HECW1: variants seen among roughly 807,000 people sequenced by gnomAD.
HECW1 encodes the protein HECT, C2 and WW domain containing E3 ubiquitin protein ligase 1.
Under a neutral mutation model 182.3 loss-of-function variants are expected in HECW1, and 61 were observed. The ratio of observed to expected loss-of-function variants is 0.33; its 90% CI spans 0.27 to 0.41. HECW1 has a LOEUF of 0.41. Among genes scored for constraint, HECW1 ranks in the 10% least tolerant of loss-of-function variants. The pLI is 1.00. For synonymous variants in HECW1, 859 were observed against 832.6 expected, an observed-to-expected ratio of 1.03 and a Z score of -0.55; for missense variants, 1,739 against 2,108.9, an observed-to-expected ratio of 0.82 and a Z score of 3.44.
intron 2 of HECW1, among the ~76,000 whole-genome samples, chr7:43,134,250 C>T (rs928422335): frequency 6.6e-6 from 1 of 151,498 alleles, no homozygotes; most frequent in Non-Finnish European, 1.5e-5. Context: ...AAAAAGTAGC[C>T]GGGCGTGGTG....
At chr7:43,248,993 C>T (rs1799746307) in intron 3 of HECW1, 1 of 152,346 alleles carries the variant, frequency 6.6e-6, no homozygotes, top group South Asian at 2.1e-4. Context: ...ATAGTGTGGT[C>T]CAGCACTGCC....
At chr7:43,250,140 C>T (rs1799875304) in intron 3 of HECW1, among the ~76,000 whole-genome samples, 1 of 151,432 alleles carries the variant, frequency 6.6e-6, no homozygotes, top group South Asian at 2.1e-4. Context: ...CACACGCGCA[C>T]ACACACATAC....
intron 24 of HECW1, among the ~76,000 whole-genome samples, chr7:43,518,207 A>G (rs997285569): frequency 6.6e-5 from 10 of 152,080 alleles, no homozygotes; most frequent in Non-Finnish European, 1.5e-4. Context: ...TATAAAAGAA[A>G]AGAAAGGCCG....
rs145080794 is a variant in HECW1 at position 43,285,792 on chromosome 7, AAAAATAAAAT to A, written c.28-25952_28-25943del. The stretch of plus-strand genomic sequence containing the variant: ...CTGAGTGACAGACCCCATCTCAACA[AAAAATAAAAT>A]AAAATAAAATAAAATAAAGAAACTG... On this transcript the variant is annotated intron_variant, in intron 3 of 29. Coordinates refer to ENST00000395891, the MANE Select transcript of HECW1 (RefSeq NM_015052.5). Among the ~76,000 whole-genome samples the A allele has an allele frequency of 3.7e-3, 559 of 152,026 alleles. 2 individuals carry two copies. Among genetic ancestry groups the A allele is most frequent in the African/African-American group, 0.013 (534 of 41,306 alleles).
At chr7:43,506,159 T>A (rs1283403684) in intron 21 of HECW1, among the ~76,000 whole-genome samples, 1 of 152,198 alleles carries the variant, frequency 6.6e-6, no homozygotes, top group Non-Finnish European at 1.5e-5. Context: ...TAATATAAAC[T>A]CTAATCTAAT....
intron 24 of HECW1, among the ~76,000 whole-genome samples, chr7:43,529,545 G>A (rs141803077): frequency 6.6e-6 from 1 of 152,224 alleles, no homozygotes; most frequent in African/African-American, 2.4e-5. Flanking sequence ...CCATTTGACT[G>A]TCCCAAAAGC....
chr7:43,313,956 T>G (rs113515271), intron 4 of HECW1, among the ~76,000 whole-genome samples: 3 of 152,090 alleles, frequency 2.0e-5, no homozygotes, highest in African/African-American at 7.2e-5. Flanking sequence ...TGATTTGGTT[T>G]GGTTTTGGTT....
At chr7:43,327,286 C>T (rs189541830) in intron 5 of HECW1, among the ~76,000 whole-genome samples, 231 of 152,136 alleles carry the variant, frequency 1.5e-3, no homozygotes, top group African/African-American at 5.4e-3. Context: ...AGATAATAGG[C>T]GTATTTATAT....
chr7:43,448,213 A>G (rs1040286077), intron 11 of HECW1, among the ~76,000 whole-genome samples: 5 of 152,214 alleles, frequency 3.3e-5, no homozygotes, highest in African/African-American at 9.6e-5. Context: ...CCACATAGAT[A>G]AGGCTGCAAC....
intron 3 of HECW1, among the ~76,000 whole-genome samples, chr7:43,246,289 C>G (rs1799374310): frequency 6.6e-6 from 1 of 152,090 alleles, no homozygotes. Flanking sequence ...CGTGACGTAG[C>G]AAGACCTTGT....
intron 2 of HECW1, among the ~76,000 whole-genome samples, chr7:43,218,515 T>C (rs1486754533): frequency 6.6e-6 from 1 of 152,180 alleles, no homozygotes; most frequent in Non-Finnish European, 1.5e-5. Flanking sequence ...GAATGGGGTA[T>C]GGCAGGGCAG....
At chr7:43,223,907 T>C (rs2152704568) in intron 2 of HECW1, among the ~76,000 whole-genome samples, 1 of 152,308 alleles carries the variant, frequency 6.6e-6, no homozygotes, top group South Asian at 2.1e-4. Flanking sequence ...CTCCTTCAAA[T>C]CTGCAAAAAT....
intron 12 of HECW1, among the ~76,000 whole-genome samples, chr7:43,452,926 G>C (rs889413104): frequency 6.6e-6 from 1 of 152,242 alleles, no homozygotes; most frequent in African/African-American, 2.4e-5. Flanking sequence ...ACCCTGCTGG[G>C]TTTAAGGAAC....
At chr7:43,320,493 C>T in intron 4 of HECW1, 142 bp from the exon 5 acceptor site, 2 of 626,698 alleles carry the variant, frequency 3.2e-6, no homozygotes, top group East Asian at 2.8e-5. Context: ...GTGCTTCCTG[C>T]TCTCTGATTC....
intron 24 of HECW1, among the ~76,000 whole-genome samples, 189 bp from the exon 25 acceptor site, chr7:43,540,974 A>G (rs2081342863): frequency 6.6e-6 from 1 of 152,214 alleles, no homozygotes; most frequent in Admixed American, 6.5e-5. Context: ...TTAGTCCCTA[A>G]CAAGCACACA....
chr7:43,241,616 A>ATGTGTGTGTGTGTGTG (rs57645139), intron 2 of HECW1: 8 of 122,164 alleles, frequency 6.5e-5, no homozygotes, highest in East Asian at 2.5e-4. Context: ...CTCCTAATGT[A>ATGTGTGTGTGTGTGTG]TGTGTGTGTG....
intron 6 of HECW1, among the ~76,000 whole-genome samples, chr7:43,396,122 A>G (rs1362608203): frequency 2.6e-5 from 4 of 152,232 alleles, no homozygotes; most frequent in Non-Finnish European, 5.9e-5. Context: ...TCTGAATAAA[A>G]CCTTCCTAGA....
At chr7:43,234,633 A>G (rs1012430750) in intron 2 of HECW1, among the ~76,000 whole-genome samples, 1 of 152,128 alleles carries the variant, frequency 6.6e-6, no homozygotes, top group Non-Finnish European at 1.5e-5. Context: ...GGAAACCTTC[A>G]TCTCCTACCC....
At chr7:43,147,281 C>A (rs564705495) in intron 2 of HECW1, among the ~76,000 whole-genome samples, 1 of 151,880 alleles carries the variant, frequency 6.6e-6, no homozygotes, top group South Asian at 2.1e-4. Flanking sequence ...AAGCATCTTG[C>A]ATTACAGTAA....
Sources: gnomAD v4.1 joint callset for allele counts (sites outside exome capture counted in the v4.1 genomes callset) on GRCh38, gnomAD v4.1.1 for gene constraint, MANE v1.5 for transcripts, NCBI Gene and HGNC (gene_info 2026-07-23, HGNC 2026-07-21) for gene names.